Variants in COPS2 observed in about 807,000 individuals in gnomAD.
COPS2 encodes COP9 signalosome complex subunit 2.
In COPS2, 10 loss-of-function variants were observed where a neutral mutation model predicts 66.1. The ratio of observed to expected loss-of-function variants is 0.15; its 90% CI spans 0.09 to 0.26. COPS2 has a LOEUF of 0.26. Ranked by LOEUF, COPS2 falls within the 10% of genes least tolerant of loss-of-function variation. The pLI, the probability that COPS2 is intolerant of heterozygous loss-of-function variation, is 1.00. For synonymous variants in COPS2, 179 were observed against 171.3 expected (o/e 1.04, Z -0.35); for missense variants, 215 against 513.3 (o/e 0.42, Z 5.62).
In COPS2 at chr15:49,125,853, A is replaced by G. The variant is rs1476207366; in HGVS notation, c.*2097T>C. On this transcript the variant is annotated 3_prime_UTR_variant, in exon 13 of 13. Transcript: ENST00000388901. ...TAACAAGTGCATGCTTTCTCTCTAG[A>G]AAGTGGAAGATGCACTATTGTACAA... 1 of 152,128 alleles carries G rather than the reference A, an allele frequency of 6.6e-6. No homozygotes were observed. The highest frequency in any genetic ancestry group is 2.4e-5 in the African/African-American group (1 of 41,464). 9.4% of individuals were successfully genotyped at this position (152,128 alleles called of 1,614,324 possible). A position where few individuals can be genotyped will look rare whatever the true frequency, so the allele number is the denominator to read the frequency against.
At chr15:49,150,271 A>C (rs2084350167) in intron 1 of COPS2, among the ~76,000 whole-genome samples, 1 of 150,770 alleles carries the variant, frequency 6.6e-6, no homozygotes, top group African/African-American at 2.4e-5. Context: ...AATAAATAAA[A>C]ATAAAAAAAT....
intron 7 of COPS2, 84 bp downstream of exon 7, chr15:49,134,256 A>G: frequency 6.8e-7 from 1 of 1,462,958 alleles, no homozygotes; most frequent in Non-Finnish European, 9.3e-7. Context: ...CAAGGTATAC[A>G]CTGAAGTTCT....
intron 1 of COPS2, among the ~76,000 whole-genome samples, chr15:49,149,328 T>C (rs1272979451): frequency 6.6e-6 from 1 of 152,320 alleles, no homozygotes; most frequent in Non-Finnish European, 1.5e-5. Context: ...TAACAAACTT[T>C]CTGATTTTCT....
Position 49,134,005 on chromosome 15 carries a change from T to C in COPS2, c.819A>G (p.Arg273=). The change falls in exon 8 of 13, where the codon CGA becomes CGG. Residue 273 remains arginine (R), a synonymous_variant. Transcript: ENST00000388901. ...AGACCAAATATTTTAAGCAAGTGGT[T>C]CGTCTTGGACTTCCAGATTCATCAT... is the stretch of plus-strand genomic sequence containing the variant. ...KNYDESGSPR[R]TTCLKYLVLA... 6.2e-7 allele frequency: 1 copy of C among 1,614,028 alleles called. No homozygotes were observed. Among genetic ancestry groups the C allele is most frequent in the Non-Finnish European group, 8.5e-7 (1 of 1,179,910 alleles).
At chr15:49,142,726 A>G (rs1396650237) in intron 3 of COPS2, among the ~76,000 whole-genome samples, 1 of 152,112 alleles carries the variant, frequency 6.6e-6, no homozygotes, top group Non-Finnish European at 1.5e-5. Context: ...TCTACCCTGT[A>G]TTCTTTACCA....
chr15:49,128,895 T>C (rs2084188429), intron 11 of COPS2, 135 bp from the exon 12 acceptor site: 1 of 587,090 alleles, frequency 1.7e-6, no homozygotes. Context: ...CATATTTCAT[T>C]ATCACTTCAA....
Position 49,145,095 on chromosome 15 carries a change from G to T in COPS2, c.55-17C>A, listed in dbSNP as rs569029909. ...AGAGTATTCCTGTGTTGGAAAGAAA[G>T]AAATATTAAAAGAAAAAAAGAAAAG... On this transcript the variant is annotated splice_polypyrimidine_tract_variant and intron_variant, in intron 1 of 12. Coordinates refer to ENST00000388901, the MANE Select transcript of COPS2 (RefSeq NM_004236.4). 16 of 1,325,254 alleles carry T rather than the reference G, an allele frequency of 1.2e-5. No homozygotes were observed. In the South Asian group the frequency reaches 2.1e-4, roughly 17 times the overall value. 82.1% of individuals were successfully genotyped at this position (1,325,254 alleles called of 1,614,324 possible).
chr15:49,136,860 G>A (rs950920662), intron 6 of COPS2, among the ~76,000 whole-genome samples: 1 of 151,984 alleles, frequency 6.6e-6, no homozygotes, highest in African/African-American at 2.4e-5. Flanking sequence ...ATGGTGGTGT[G>A]CACTTGTAGT....
chr15:49,124,425 T>A lies in COPS2; in HGVS notation c.*3525A>T. The A allele has an allele frequency of 6.7e-6, 1 of 148,602 alleles. No homozygotes were observed. Among genetic ancestry groups the A allele is most frequent in the East Asian group, 1.9e-4 (1 of 5,148 alleles). The allele number at this position is 148,602 out of a possible 1,614,324, so 9.2% of individuals were successfully genotyped here. A position where few individuals can be genotyped will look rare whatever the true frequency, so the allele number is the denominator to read the frequency against. ...AAAAACCGTATCAAACAAATATAAATAGGATGCTGATTTGGGGGAAAAAAA... is the reference window on the plus strand; with the variant it reads ...AAAAACCGTATCAAACAAATATAAAAAGGATGCTGATTTGGGGGAAAAAAA... On this transcript the variant is annotated 3_prime_UTR_variant, in exon 13 of 13. Transcript: ENST00000388901.
At chr15:49,129,617 G>A in intron 10 of COPS2, 58 bp from the exon 11 acceptor site, 1 of 779,748 alleles carries the variant, frequency 1.3e-6, no homozygotes, top group Non-Finnish European at 2.0e-6. Flanking sequence ...ATATCTTTAT[G>A]GATCATTATG....
chr15:49,140,009 C>CA (rs1183258786), intron 3 of COPS2, among the ~76,000 whole-genome samples: 2 of 151,870 alleles, frequency 1.3e-5, no homozygotes, highest in African/African-American at 4.8e-5. Flanking sequence ...TTTTTTGAGA[C>CA]AGAGTTTCAC....
At chr15:49,134,166 GACC>G in intron 7 of COPS2, 58 bp from the exon 8 acceptor site, 1 of 1,484,444 alleles carries the variant, frequency 6.7e-7, no homozygotes, top group Non-Finnish European at 9.2e-7. Context: ...TAACAAAACT[GACC>G]ACCTCATAAA....
chr15:49,128,861 A>G (rs1050484459), intron 11 of COPS2, 101 bp from the exon 12 acceptor site: 1 of 730,362 alleles, frequency 1.4e-6, no homozygotes, highest in African/African-American at 1.8e-5. Context: ...TTAAAGGAAA[A>G]TTAGTGAAGA....
chr15:49,140,804 C>T (rs1049734192), intron 3 of COPS2, among the ~76,000 whole-genome samples: 2 of 151,136 alleles, frequency 1.3e-5, no homozygotes, highest in Admixed American at 6.6e-5. Flanking sequence ...TGCTTCTTTC[C>T]TTGACTAACT....
At chr15:49,136,579 C>A (rs867054253) in intron 6 of COPS2, among the ~76,000 whole-genome samples, 2 of 152,212 alleles carry the variant, frequency 1.3e-5, no homozygotes, top group Middle Eastern at 3.4e-3. Context: ...CTTTATTACA[C>A]GTTTGTAATA....
chr15:49,134,629 A>G, intron 6 of COPS2, 115 bp from the exon 7 acceptor site: 1 of 839,630 alleles, frequency 1.2e-6, no homozygotes, highest in Non-Finnish European at 1.8e-6. Context: ...AACACAACAC[A>G]AATTTTAATT....
chr15:49,128,141 C>G (rs775586444), intron 12 of COPS2, 47 bp from the exon 13 acceptor site: 7 of 1,572,844 alleles, frequency 4.5e-6, no homozygotes, highest in Non-Finnish European at 6.1e-6. Flanking sequence ...TTTCATCAAG[C>G]ACAGTTTCTG....
chr15:49,147,000 C>T (rs1317863724), intron 1 of COPS2, among the ~76,000 whole-genome samples: 1 of 152,116 alleles, frequency 6.6e-6, no homozygotes, highest in Admixed American at 6.6e-5. Context: ...ACCTCTACCT[C>T]TACCTCTCTT....
At chr15:49,129,399 A>T (rs2084193302) in intron 11 of COPS2, 78 bp downstream of exon 11, 2 of 490,748 alleles carry the variant, frequency 4.1e-6, no homozygotes, top group Admixed American at 8.7e-5. Context: ...AGTTAGAGTG[A>T]CTCTTAAATG....
Sources: allele counts gnomAD v4.1 joint callset (sites outside exome capture counted in the v4.1 genomes callset), GRCh38; gene constraint gnomAD v4.1.1; transcripts MANE v1.5; gene names NCBI Gene and HGNC (gene_info 2026-07-23, HGNC 2026-07-21).